Variants in HNMT observed in about 807,000 individuals in gnomAD.
HNMT encodes the protein histamine N-methyltransferase.
A neutral mutation model predicts 32.1 loss-of-function variants in HNMT; 30 were observed. The ratio of observed to expected loss-of-function variants is 0.93; its 90% CI spans 0.70 to 1.27. The LOEUF is 1.27. HNMT is among the 50% of genes most tolerant of loss of function. The pLI is 0.00. For synonymous variants in HNMT, 125 were observed against 119.0 expected, an observed-to-expected ratio of 1.05 and a Z score of -0.33; for missense variants, 327 against 346.0, an observed-to-expected ratio of 0.95 and a Z score of 0.43.
chr2:137,972,329 C>A (rs1369671714), intron 2 of HNMT, among the ~76,000 whole-genome samples: 1 of 152,198 alleles, frequency 6.6e-6, no homozygotes, highest in Non-Finnish European at 1.5e-5. Flanking sequence ...TAGTCTCGAA[C>A]TCCTTACCTC....
intron 2 of HNMT, among the ~76,000 whole-genome samples, chr2:137,987,410 C>A (rs1259725755): frequency 1.3e-5 from 2 of 152,034 alleles, no homozygotes; most frequent in African/African-American, 4.8e-5. Flanking sequence ...TTCACTTACC[C>A]CTGAATTTGT....
chr2:138,011,757 G>A (rs2187), intron 5 of HNMT, among the ~76,000 whole-genome samples: 2,419 of 152,190 alleles, frequency 0.016, 32 homozygotes, highest in Middle Eastern at 0.041. Flanking sequence ...TATTGCTTTT[G>A]CCAAATCCAG....
At chr2:137,969,012 A>G (rs1680042353) in intron 1 of HNMT, among the ~76,000 whole-genome samples, 1 of 152,072 alleles carries the variant, frequency 6.6e-6, no homozygotes, top group African/African-American at 2.4e-5. Context: ...TTTTAATCCC[A>G]TTGCCATCTG....
In HNMT at chr2:138,011,317, G is replaced by A. The variant is rs960748437; in HGVS notation, c.524-2458G>A. 2.6e-5 allele frequency among the ~76,000 whole-genome samples: 4 copies of A among 152,168 alleles called. No homozygotes were observed. In the East Asian group the frequency reaches 7.7e-4, roughly 29 times the overall value. On this transcript the variant is annotated intron_variant, in intron 5 of 5. Transcript: ENST00000280097. ...CTCTTATTTAGGAAGACAATCCACT[G>A]TCTTTGGAATAAAAGATTTTTAAAT... is the stretch of plus-strand genomic sequence containing the variant.
At chr2:137,998,820 A>C (rs531228188) in intron 2 of HNMT, among the ~76,000 whole-genome samples, 1 of 152,266 alleles carries the variant, frequency 6.6e-6, no homozygotes, top group Admixed American at 6.5e-5. Flanking sequence ...TCTTTTTCAA[A>C]ATGTCGAATT....
chr2:138,004,284 G>C (rs2104979562), intron 4 of HNMT, among the ~76,000 whole-genome samples: 1 of 152,140 alleles, frequency 6.6e-6, no homozygotes, highest in Middle Eastern at 3.4e-3. Flanking sequence ...GCCATGCACA[G>C]GTCAGGTCCA....
At chr2:137,971,807 A>T (rs373502577) in intron 2 of HNMT, among the ~76,000 whole-genome samples, 1 of 56,508 alleles carries the variant, frequency 1.8e-5, no homozygotes, top group Non-Finnish European at 4.1e-5. Flanking sequence ...TGTTTGCCTT[A>T]TTTTTAAGTC....
rs763858495 is a variant in HNMT at position 138,002,050 on chromosome 2, T to C, written c.299-14T>C. On this transcript the variant is annotated splice_polypyrimidine_tract_variant and intron_variant, in intron 3 of 5. Coordinates refer to ENST00000280097, the MANE Select transcript of HNMT (RefSeq NM_006895.3). ...TTAAAATTGATGGTGTGTCACCTCT[T>C]CTCTGTATTTTAGAGCTTGTAGCCA... The C allele has an allele frequency of 6.5e-7, 1 of 1,530,468 alleles. No homozygotes were observed. The highest frequency in any genetic ancestry group is 8.7e-7 in the Non-Finnish European group (1 of 1,143,472). The allele number at this position is 1,530,468 out of a possible 1,614,324, so 94.8% of individuals were successfully genotyped here.
chr2:137,978,673 A>ATATAGTAT (rs1287773461), intron 2 of HNMT, among the ~76,000 whole-genome samples: 1 of 140,724 alleles, frequency 7.1e-6, no homozygotes, highest in African/African-American at 2.6e-5. Context: ...TGATTAGATA[A>ATATAGTAT]TATAGTATTA....
At chr2:137,967,332 G>A (rs1174662802) in intron 1 of HNMT, 4 of 518,172 alleles carry the variant, frequency 7.7e-6, no homozygotes, top group Non-Finnish European at 1.4e-5. Context: ...AAGTCCGAGA[G>A]ATCGAGGCTT....
At chr2:138,005,635 C>T (rs948041834) in intron 5 of HNMT, among the ~76,000 whole-genome samples, 2 of 151,976 alleles carry the variant, frequency 1.3e-5, no homozygotes, top group African/African-American at 4.8e-5. Flanking sequence ...CAGATGTCAT[C>T]ATTTTTAATT....
At chr2:138,007,040 C>A (rs1351220315) in intron 5 of HNMT, among the ~76,000 whole-genome samples, 1 of 152,016 alleles carries the variant, frequency 6.6e-6, no homozygotes, top group African/African-American at 2.4e-5. Context: ...GCACAGGAGA[C>A]AGCTGTTCCA....
At chr2:137,972,219 C>A (rs1454039924) in intron 2 of HNMT, among the ~76,000 whole-genome samples, 1 of 152,124 alleles carries the variant, frequency 6.6e-6, no homozygotes. Flanking sequence ...ATTCTCCCTG[C>A]CTCAGTCTCC....
At chr2:137,974,308 T>C (rs1467619483) in intron 2 of HNMT, among the ~76,000 whole-genome samples, 7 of 152,202 alleles carry the variant, frequency 4.6e-5, no homozygotes, top group Admixed American at 4.6e-4. Flanking sequence ...TTTCTGCAAT[T>C]GTTTTTAGGT....
chr2:137,990,838 A>G (rs1680796211), intron 2 of HNMT, among the ~76,000 whole-genome samples: 1 of 152,054 alleles, frequency 6.6e-6, no homozygotes, highest in African/African-American at 2.4e-5. Context: ...CCCAACACCA[A>G]GCAGCAGATA....
At chr2:138,012,236 T>C (rs1573683760) in intron 5 of HNMT, among the ~76,000 whole-genome samples, 1 of 152,258 alleles carries the variant, frequency 6.6e-6, no homozygotes, top group Non-Finnish European at 1.5e-5. Context: ...CAAGGTAAGT[T>C]TGATAATCCC....
intron 5 of HNMT, 126 bp downstream of exon 5, chr2:138,005,351 A>G (rs1681300822): frequency 1.6e-6 from 1 of 638,324 alleles, no homozygotes; most frequent in Non-Finnish European, 2.8e-6. Context: ...GCCTCTAATC[A>G]TAGCCAATTA....
chr2:137,991,041 A>G (rs1680801651), intron 2 of HNMT, among the ~76,000 whole-genome samples: 1 of 152,206 alleles, frequency 6.6e-6, no homozygotes, highest in Admixed American at 6.5e-5. Flanking sequence ...GGTTTGATTA[A>G]TTTACTAAAG....
intron 1 of HNMT, among the ~76,000 whole-genome samples, chr2:137,966,178 C>T (rs1340554729): frequency 6.6e-6 from 1 of 152,092 alleles, no homozygotes; most frequent in Non-Finnish European, 1.5e-5. Flanking sequence ...GTTTGTGGCT[C>T]ACTGTGCTAA....
Sources: allele counts gnomAD v4.1 joint callset (sites outside exome capture counted in the v4.1 genomes callset), GRCh38; gene constraint gnomAD v4.1.1; transcripts MANE v1.5; gene names NCBI Gene and HGNC (gene_info 2026-07-23, HGNC 2026-07-21).